The following SGCZ variants were observed in gnomAD, a reference collection of about 807,000 sequenced individuals.
SGCZ encodes the protein zeta-sarcoglycan.
A neutral mutation model predicts 41.3 loss-of-function variants in SGCZ; 40 were observed. That is an observed-to-expected ratio of 0.97 (90% CI 0.75 to 1.26). The LOEUF (loss-of-function observed/expected upper bound fraction) is 1.26. Among genes scored for constraint, SGCZ ranks in the 50% most tolerant of loss-of-function variants. The pLI is 0.00. For missense variants in SGCZ, 552 were observed against 369.8 expected, an observed-to-expected ratio of 1.49 and a Z score of -4.04; for synonymous variants, 206 against 137.5, an observed-to-expected ratio of 1.50 and a Z score of -3.49.
chr8:15,074,247 T>C (rs1394719673), intron 1 of SGCZ, among the ~76,000 whole-genome samples: 2 of 152,302 alleles, frequency 1.3e-5, no homozygotes, highest in Admixed American at 6.5e-5. Flanking sequence ...GATGATTCTT[T>C]AGGACGTTAG....
chr8:14,466,456 T>A (rs1432842922), intron 2 of SGCZ, among the ~76,000 whole-genome samples: 1 of 151,990 alleles, frequency 6.6e-6, no homozygotes, highest in Non-Finnish European at 1.5e-5. Context: ...GTGAGAGTCT[T>A]TTAGTTTATT....
intron 1 of SGCZ, among the ~76,000 whole-genome samples, chr8:14,669,506 A>G (rs1462657709): frequency 6.6e-6 from 1 of 151,962 alleles, no homozygotes; most frequent in Non-Finnish European, 1.5e-5. Context: ...ATAGGTAACC[A>G]CCCTTCTACT....
intron 1 of SGCZ, among the ~76,000 whole-genome samples, chr8:15,176,667 T>A (rs1225118231): frequency 1.3e-5 from 2 of 152,220 alleles, no homozygotes; most frequent in African/African-American, 4.8e-5. Flanking sequence ...AGAACAGTTT[T>A]CTCCTAATAA....
At chr8:15,098,725 A>G (rs1806482898) in intron 1 of SGCZ, among the ~76,000 whole-genome samples, 1 of 152,144 alleles carries the variant, frequency 6.6e-6, no homozygotes, top group South Asian at 2.1e-4. Flanking sequence ...AAATTGTGGT[A>G]CTCAATAAAT....
At chr8:14,265,799 A>T (rs925412792) in intron 3 of SGCZ, among the ~76,000 whole-genome samples, 49 of 151,914 alleles carry the variant, frequency 3.2e-4, no homozygotes, top group African/African-American at 1.1e-3. Context: ...AAAAAAAATC[A>T]CACAGAAATC....
chr8:14,475,058 G>A (rs1157286799), intron 2 of SGCZ, among the ~76,000 whole-genome samples: 2 of 152,006 alleles, frequency 1.3e-5, no homozygotes, highest in East Asian at 3.9e-4. Context: ...TTATTTTGTT[G>A]TTGTTTTTTA....
chr8:14,783,155 C>T lies in SGCZ; in HGVS notation c.40-228229G>A, dbSNP rs144318830. On this transcript the variant is annotated intron_variant, in intron 1 of 7. Transcript: ENST00000382080. The stretch of plus-strand genomic sequence containing the variant: ...GAGATAGAAAGTAAAAGTATATGGC[C>T]GGGCACGGTGGCTCACGCATGTAAT... Among the ~76,000 whole-genome samples, 439 of 152,010 alleles carry T rather than the reference C, an allele frequency of 2.9e-3. 3 individuals are homozygous for T. Among genetic ancestry groups the T allele is most frequent in the African/African-American group, 9.8e-3 (408 of 41,498 alleles).
chr8:14,799,647 T>C (rs1291404654), intron 1 of SGCZ, among the ~76,000 whole-genome samples: 1 of 152,000 alleles, frequency 6.6e-6, no homozygotes, highest in East Asian at 1.9e-4. Flanking sequence ...CTTCACCTAC[T>C]AGGCAGAGGA....
At chr8:14,655,247 C>A (rs1373322797) in intron 1 of SGCZ, among the ~76,000 whole-genome samples, 1 of 151,906 alleles carries the variant, frequency 6.6e-6, no homozygotes, top group Non-Finnish European at 1.5e-5. Context: ...GTCGTCTTTA[C>A]CAAATCTTGA....
chr8:15,188,643 A>G (rs1004028886), intron 1 of SGCZ, among the ~76,000 whole-genome samples: 2 of 152,198 alleles, frequency 1.3e-5, no homozygotes, highest in African/African-American at 4.8e-5. Context: ...GATAAGGATC[A>G]TTTGTACTTA....
chr8:14,647,483 A>C (rs181479692), intron 1 of SGCZ, among the ~76,000 whole-genome samples: 231 of 152,158 alleles, frequency 1.5e-3, no homozygotes, highest in Middle Eastern at 3.4e-3. Context: ...AATCGCTGTG[A>C]ATATATAAAA....
At chr8:15,060,050 T>A (rs986005421) in intron 1 of SGCZ, among the ~76,000 whole-genome samples, 1 of 152,274 alleles carries the variant, frequency 6.6e-6, no homozygotes, top group African/African-American at 2.4e-5. Context: ...CAAGCAACCT[T>A]AAGGGATGAG....
chr8:14,094,247 C>T (rs570342047), intron 7 of SGCZ, among the ~76,000 whole-genome samples: 14 of 152,158 alleles, frequency 9.2e-5, no homozygotes, highest in East Asian at 1.9e-4. Flanking sequence ...CACCAATCAA[C>T]GCATCATCTA....
At chr8:14,457,479 T>G (rs1055274670) in intron 2 of SGCZ, among the ~76,000 whole-genome samples, 38 of 152,160 alleles carry the variant, frequency 2.5e-4, no homozygotes, top group Non-Finnish European at 5.0e-4. Context: ...ACTCTGCTCC[T>G]CCAACTCTTG....
intron 1 of SGCZ, among the ~76,000 whole-genome samples, chr8:15,116,437 C>T (rs980775408): frequency 2.0e-5 from 3 of 151,968 alleles, no homozygotes; most frequent in Non-Finnish European, 1.5e-5. Context: ...TCAATATATC[C>T]CAATGAGAAG....
intron 1 of SGCZ, among the ~76,000 whole-genome samples, chr8:14,957,258 C>A (rs1800821760): frequency 6.6e-6 from 1 of 152,010 alleles, no homozygotes; most frequent in Admixed American, 6.6e-5. Flanking sequence ...ACATATGCAT[C>A]CAAATTTATT....
chr8:15,020,947 T>C (rs898676046), intron 1 of SGCZ, among the ~76,000 whole-genome samples: 11 of 152,196 alleles, frequency 7.2e-5, no homozygotes, highest in Admixed American at 2.0e-4. Flanking sequence ...TGAATCTACA[T>C]TTTTAAAATG....
chr8:14,795,426 G>C (rs2726603), intron 1 of SGCZ, among the ~76,000 whole-genome samples: 1 of 151,462 alleles, frequency 6.6e-6, no homozygotes, highest in Non-Finnish European at 1.5e-5. Flanking sequence ...TCATACTTTG[G>C]GGTTTTTTTT....
chr8:14,995,485 A>C (rs1055518336), intron 1 of SGCZ, among the ~76,000 whole-genome samples: 171 of 152,350 alleles, frequency 1.1e-3, no homozygotes, highest in Non-Finnish European at 1.2e-3. Context: ...CATTAACTAA[A>C]GTACCAGGAG....
Sources: gnomAD v4.1 joint callset for allele counts (sites outside exome capture counted in the v4.1 genomes callset) on GRCh38, gnomAD v4.1.1 for gene constraint, MANE v1.5 for transcripts, NCBI Gene and HGNC (gene_info 2026-07-23, HGNC 2026-07-21) for gene names.